Variants in CHCHD6 observed in about 807,000 individuals in gnomAD.
CHCHD6 encodes MICOS complex subunit MIC25.
CHCHD6 carries 28 observed loss-of-function variants against 32.3 expected under a neutral mutation model. That is an observed-to-expected ratio of 0.87 (90% CI 0.64 to 1.19). The LOEUF (loss-of-function observed/expected upper bound fraction) is 1.19, where lower values mean the gene tolerates loss of function less well. Ranked by LOEUF, CHCHD6 falls within the 50% of genes most tolerant of loss-of-function variation. The probability of loss-of-function intolerance (pLI) is 0.00; values close to 1 mark genes in which losing one functional copy is unlikely to be tolerated. For synonymous variants in CHCHD6, 122 were observed against 117.5 expected, an observed-to-expected ratio of 1.04 and a Z score of -0.25; for missense variants, 333 against 307.0, an observed-to-expected ratio of 1.08 and a Z score of -0.63.
At chr3:126,805,352 G>C (rs2107692956) in intron 4 of CHCHD6, among the ~76,000 whole-genome samples, 1 of 152,222 alleles carries the variant, frequency 6.6e-6, no homozygotes, top group South Asian at 2.1e-4. Flanking sequence ...CTTCAGCAAA[G>C]TCTCAGGATA....
At position 126,727,146 on chromosome 3, in the gene CHCHD6, C is replaced by T. The variant is rs1294098890; in HGVS notation, c.156C>T (p.Thr52=). The T allele has an allele frequency of 1.9e-6, 3 of 1,614,086 alleles. No individual in the cohort carries two copies. The highest frequency in any genetic ancestry group is 2.5e-6 in the Non-Finnish European group (3 of 1,179,928). Residue 52 remains threonine, a synonymous_variant, in exon 2 of 8, where the codon ACC becomes ACT. Transcript: ENST00000290913. ...SSPPPAPTSS[T]FGLQDGNLRA... is the part of the protein sequence containing the mutation. ...CACCCCCTGCTCCCACATCTTCTACCTTTGGCCTTCAAGATGGCAACTTGA... is the reference window on the plus strand; with the variant it reads ...CACCCCCTGCTCCCACATCTTCTACTTTTGGCCTTCAAGATGGCAACTTGA...
At chr3:126,764,171 A>G (rs1576386611) in intron 4 of CHCHD6, among the ~76,000 whole-genome samples, 2 of 144,518 alleles carry the variant, frequency 1.4e-5, no homozygotes. Context: ...ATACACACAC[A>G]TATATACACA....
At chr3:126,898,147 A>G (rs1158513477) in intron 5 of CHCHD6, among the ~76,000 whole-genome samples, 1 of 152,256 alleles carries the variant, frequency 6.6e-6, no homozygotes, top group Non-Finnish European at 1.5e-5. Flanking sequence ...CAAGGTCAGC[A>G]TCCTGCCGCC....
chr3:126,787,995 G>A (rs1326314507), intron 4 of CHCHD6, among the ~76,000 whole-genome samples: 5 of 152,078 alleles, frequency 3.3e-5, no homozygotes, highest in African/African-American at 7.2e-5. Flanking sequence ...TTTGAGATAC[G>A]TCCCATCAAT....
intron 6 of CHCHD6, among the ~76,000 whole-genome samples, chr3:126,941,635 A>G (rs1463354226): frequency 7.2e-5 from 11 of 152,216 alleles, no homozygotes; most frequent in Non-Finnish European, 1.0e-4. Flanking sequence ...ATTTTGAAAT[A>G]ATTTCAAACC....
At chr3:126,871,860 T>C (rs1157366245) in intron 5 of CHCHD6, among the ~76,000 whole-genome samples, 1 of 151,542 alleles carries the variant, frequency 6.6e-6, no homozygotes, top group Non-Finnish European at 1.5e-5. Context: ...AGAGACGGGG[T>C]TTCACCGTGT....
chr3:126,891,608 G>A (rs1033795511), intron 5 of CHCHD6, among the ~76,000 whole-genome samples: 3 of 152,172 alleles, frequency 2.0e-5, no homozygotes, highest in Non-Finnish European at 2.9e-5. Context: ...AGCCAGTAGC[G>A]TGAGTCTGGA....
chr3:126,949,755 G>A (rs1176103948), intron 6 of CHCHD6: 3 of 182,688 alleles, frequency 1.6e-5, no homozygotes, highest in African/African-American at 2.4e-5. Context: ...AGAAGGGAAG[G>A]GTGCAGATTG....
chr3:126,774,066 A>G (rs1380447846), intron 4 of CHCHD6, among the ~76,000 whole-genome samples: 1 of 152,206 alleles, frequency 6.6e-6, no homozygotes, highest in Non-Finnish European at 1.5e-5. Flanking sequence ...ACTAGTTGGC[A>G]TTCTATTTAA....
intron 5 of CHCHD6, among the ~76,000 whole-genome samples, chr3:126,896,494 T>G (rs1171833492): frequency 1.3e-5 from 2 of 152,236 alleles, no homozygotes; most frequent in Admixed American, 6.5e-5. Flanking sequence ...ATAGCCCATC[T>G]GCTTTTTCTG....
At chr3:126,837,004 C>G (rs1559872915) in intron 4 of CHCHD6, among the ~76,000 whole-genome samples, 1 of 152,232 alleles carries the variant, frequency 6.6e-6, no homozygotes, top group Non-Finnish European at 1.5e-5. Flanking sequence ...TGGGGTTCCT[C>G]CCAGCCCTCC....
chr3:126,936,651 G>A (rs2078483984), intron 6 of CHCHD6, among the ~76,000 whole-genome samples: 1 of 152,138 alleles, frequency 6.6e-6, no homozygotes, highest in Non-Finnish European at 1.5e-5. Context: ...CACCTCCCAG[G>A]TTCAAGCGAT....
intron 5 of CHCHD6, among the ~76,000 whole-genome samples, chr3:126,888,813 G>A (rs908261875): frequency 6.6e-6 from 1 of 152,204 alleles, no homozygotes; most frequent in Non-Finnish European, 1.5e-5. Flanking sequence ...GCTGAGCTGG[G>A]TAGCCCCTGT....
chr3:126,862,651 A>G (rs1232856195), intron 5 of CHCHD6, among the ~76,000 whole-genome samples: 3 of 96,936 alleles, frequency 3.1e-5, no homozygotes, highest in Admixed American at 2.1e-4. Context: ...CTCTTCCACC[A>G]TCACCACCTC....
intron 1 of CHCHD6, among the ~76,000 whole-genome samples, chr3:126,705,082 G>T (rs1306152175): frequency 1.3e-5 from 2 of 152,098 alleles, no homozygotes; most frequent in African/African-American, 4.8e-5. Flanking sequence ...CTCAGCTCAG[G>T]GTCTGTGCGC....
At chr3:126,761,280 A>C (rs1407622753) in intron 4 of CHCHD6, among the ~76,000 whole-genome samples, 1 of 152,148 alleles carries the variant, frequency 6.6e-6, no homozygotes. Flanking sequence ...TGGAGATGAG[A>C]GGTCCAGCTT....
At chr3:126,957,605 T>C (rs1242476324) in intron 7 of CHCHD6, 54 bp downstream of exon 7, 2 of 1,536,342 alleles carry the variant, frequency 1.3e-6, no homozygotes, top group Middle Eastern at 1.7e-4. Context: ...GTAGGCGAGG[T>C]ACCTCTATCT....
At chr3:126,894,654 CGGT>C (rs1171053159) in intron 5 of CHCHD6, among the ~76,000 whole-genome samples, 5 of 152,140 alleles carry the variant, frequency 3.3e-5, no homozygotes, top group East Asian at 3.9e-4. Flanking sequence ...ACACCCATCA[CGGT>C]GGGAGGCAGA....
intron 4 of CHCHD6, among the ~76,000 whole-genome samples, chr3:126,776,651 C>T (rs1454849274): frequency 6.6e-6 from 1 of 152,204 alleles, no homozygotes; most frequent in Non-Finnish European, 1.5e-5. Flanking sequence ...ATCATATTTA[C>T]TTTACATATA....
Sources: allele counts gnomAD v4.1 joint callset (sites outside exome capture counted in the v4.1 genomes callset), GRCh38; gene constraint gnomAD v4.1.1; transcripts MANE v1.5; gene names NCBI Gene and HGNC (gene_info 2026-07-23, HGNC 2026-07-21).